ENOX1: variants seen among roughly 807,000 people sequenced by gnomAD.
ENOX1 encodes the protein candidate growth-related and time keeping constitutive hydroquinone (NADH) oxidase.
In ENOX1, 42 loss-of-function variants were observed where a neutral mutation model predicts 82.5. That is an observed-to-expected ratio of 0.51 (90% CI 0.40 to 0.66). ENOX1 has a LOEUF of 0.66. Among genes scored for constraint, ENOX1 ranks in the 30% least tolerant of loss-of-function variants. The pLI is 0.00. For synonymous variants in ENOX1, 271 were observed against 282.2 expected, an observed-to-expected ratio of 0.96 and a Z score of 0.40; for missense variants, 608 against 811.6, an observed-to-expected ratio of 0.75 and a Z score of 3.05.
intron 13 of ENOX1, among the ~76,000 whole-genome samples, chr13:43,267,288 C>T (rs1395943992): frequency 6.6e-6 from 1 of 152,220 alleles, no homozygotes; most frequent in Non-Finnish European, 1.5e-5. Context: ...AGGTAGGAAG[C>T]TATCCTCATT....
intron 2 of ENOX1, chr13:43,543,796 G>A (rs968475711): frequency 1.4e-5 from 2 of 146,606 alleles, no homozygotes; most frequent in African/African-American, 5.1e-5. Context: ...AGCTTTTAAA[G>A]ATTATGAAAA....
At chr13:43,660,282 G>A (rs948761517) in intron 2 of ENOX1, among the ~76,000 whole-genome samples, 18 of 151,998 alleles carry the variant, frequency 1.2e-4, no homozygotes, top group South Asian at 4.2e-4. Context: ...TGCTCTCATC[G>A]GTGTGTGCCT....
chr13:43,721,110 G>A, intron 1 of ENOX1, among the ~76,000 whole-genome samples: 1 of 152,098 alleles, frequency 6.6e-6, no homozygotes, highest in East Asian at 1.9e-4. Context: ...ACCAAGAAGT[G>A]AAATAAAAAC....
Position 43,484,012 on chromosome 13 carries a change from A to G in ENOX1, c.-78T>C, listed in dbSNP as rs769764753. On this transcript the variant is annotated 5_prime_UTR_variant, in exon 3 of 17. Coordinates refer to ENST00000690772, the MANE Select transcript of ENOX1 (RefSeq NM_001347969.2). Reference sequence around the variant, plus strand: ...AAATGAAAAAATTAACACAAACCTCAAAACTGCCAGCAGCTCAGAAGACAA... The same window carrying G: ...AAATGAAAAAATTAACACAAACCTCGAAACTGCCAGCAGCTCAGAAGACAA... 4.1e-6 allele frequency: 4 copies of G among 985,440 alleles called. No homozygotes were observed. Among genetic ancestry groups the G allele is most frequent in the African/African-American group, 1.7e-5 (1 of 57,236 alleles). The allele number at this position is 985,440 out of a possible 1,614,324, so 61.0% of individuals were successfully genotyped here. A position where few individuals can be genotyped will look rare whatever the true frequency, so the allele number is the denominator to read the frequency against.
chr13:43,450,082 T>A (rs1381841797), intron 3 of ENOX1, among the ~76,000 whole-genome samples: 1 of 152,226 alleles, frequency 6.6e-6, no homozygotes. Flanking sequence ...GGAGTATTAT[T>A]GGCATTCAAT....
intron 2 of ENOX1, among the ~76,000 whole-genome samples, chr13:43,634,814 A>G (rs2083352286): frequency 6.6e-6 from 1 of 152,224 alleles, no homozygotes; most frequent in African/African-American, 2.4e-5. Context: ...TTCTTTTGTA[A>G]TTAAAAGTTC....
chr13:43,448,008 C>T (rs1036179452), intron 3 of ENOX1, among the ~76,000 whole-genome samples: 30 of 152,160 alleles, frequency 2.0e-4, no homozygotes, highest in African/African-American at 7.0e-4. Context: ...TAAATTTCCA[C>T]AATGGATGTT....
chr13:43,739,141 A>G (rs1390454606), intron 1 of ENOX1, among the ~76,000 whole-genome samples: 1 of 152,334 alleles, frequency 6.6e-6, no homozygotes, highest in Admixed American at 6.5e-5. Context: ...TCATTTCTTC[A>G]ACAAATATCT....
At chr13:43,231,625 A>G (rs540358209) in intron 15 of ENOX1, among the ~76,000 whole-genome samples, 3 of 152,300 alleles carry the variant, frequency 2.0e-5, no homozygotes, top group East Asian at 3.9e-4. Context: ...CAACTTCTTT[A>G]TCCATCCAGT....
chr13:43,247,849 ATATATATATATATATATAT>A (rs2043175692), intron 14 of ENOX1, among the ~76,000 whole-genome samples: 1 of 1,178 alleles, frequency 8.5e-4, no homozygotes, highest in Non-Finnish European at 1.6e-3. Flanking sequence ...ATATATATAT[ATATATATATATATATATAT>A]ATATATATAT....
intron 1 of ENOX1, among the ~76,000 whole-genome samples, chr13:43,686,744 G>C (rs2086097630): frequency 6.6e-6 from 1 of 152,172 alleles, no homozygotes; most frequent in Non-Finnish European, 1.5e-5. Flanking sequence ...GGAGGTCAGG[G>C]AGGGGTGGTG....
At position 43,264,367 on chromosome 13, in the gene ENOX1, G is replaced by A. The variant is rs183556036; in HGVS notation, c.1611+1031C>T. 5.2e-3 allele frequency among the ~76,000 whole-genome samples: 791 copies of A among 152,262 alleles called. 4 individuals are homozygous for A. Among genetic ancestry groups the A allele is most frequent in the Non-Finnish European group, 7.8e-3 (529 of 68,036 alleles). The stretch of plus-strand genomic sequence containing the variant: ...TCCTTAACTCAGTTGTAAGTTCCCC[G>A]AGGGCAGACAACTAGTCTTATATTT... On this transcript the variant is annotated intron_variant, in intron 14 of 16. Transcript: ENST00000690772.
At chr13:43,406,747 C>G (rs1199980405) in intron 5 of ENOX1, among the ~76,000 whole-genome samples, 3 of 152,090 alleles carry the variant, frequency 2.0e-5, no homozygotes. Context: ...CCTGCCTCAG[C>G]CTCCCAAAGT....
In ENOX1 at chr13:43,581,760, C is replaced by T. The variant is rs955964227; in HGVS notation, c.-219+85719G>A. Among the ~76,000 whole-genome samples the T allele has an allele frequency of 2.5e-4, 38 of 152,106 alleles. 1 individual carries two copies. The highest frequency in any genetic ancestry group is 7.2e-4 in the Admixed American group (11 of 15,276). ...GCAAAACCTCCTGTAATGCACATGG[C>T]AGCCATGAACAATAAAGGACTGTGC... On this transcript the variant is annotated intron_variant, in intron 2 of 16. Transcript: ENST00000690772.
At chr13:43,307,961 A>C (rs956104574) in intron 11 of ENOX1, among the ~76,000 whole-genome samples, 3 of 152,162 alleles carry the variant, frequency 2.0e-5, no homozygotes, top group African/African-American at 7.2e-5. Context: ...TCCCATGTAC[A>C]CATGCTTACC....
chr13:43,569,200 G>T (rs2080060313), intron 2 of ENOX1, among the ~76,000 whole-genome samples: 1 of 152,074 alleles, frequency 6.6e-6, no homozygotes, highest in Middle Eastern at 3.2e-3. Flanking sequence ...ATATAAAAAT[G>T]ACCTTTCTAA....
chr13:43,275,910 G>C (rs2044998244), intron 12 of ENOX1, among the ~76,000 whole-genome samples: 1 of 152,154 alleles, frequency 6.6e-6, no homozygotes, highest in East Asian at 1.9e-4. Context: ...GATTTCTGGG[G>C]ATCAGTTTAG....
chr13:43,712,372 T>C (rs2087787398), intron 1 of ENOX1, among the ~76,000 whole-genome samples: 1 of 151,970 alleles, frequency 6.6e-6, no homozygotes, highest in Non-Finnish European at 1.5e-5. Flanking sequence ...TCCAGCTTTG[T>C]TCTTTTGGCT....
At chr13:43,501,716 A>G (rs1363278782) in intron 2 of ENOX1, among the ~76,000 whole-genome samples, 3 of 151,428 alleles carry the variant, frequency 2.0e-5, no homozygotes, top group African/African-American at 7.3e-5. Flanking sequence ...ATAAAAATGA[A>G]AAATATACTA....
Sources: allele counts gnomAD v4.1 joint callset (sites outside exome capture counted in the v4.1 genomes callset), GRCh38; gene constraint gnomAD v4.1.1; transcripts MANE v1.5; gene names NCBI Gene and HGNC (gene_info 2026-07-23, HGNC 2026-07-21).